CALN1: variants seen among roughly 807,000 people sequenced by gnomAD.
CALN1 encodes the protein calneuron 1.
CALN1 carries 17 observed loss-of-function variants against 30.6 expected under a neutral mutation model. The observed-to-expected ratio is 0.56, with a 90% CI of 0.38 to 0.83. The LOEUF is 0.83. Ranked by LOEUF, CALN1 falls within the 40% of genes least tolerant of loss-of-function variation. The probability of loss-of-function intolerance (pLI) is 0.00; values close to 1 mark genes in which losing one functional copy is unlikely to be tolerated. For missense variants in CALN1, 291 were observed against 354.9 expected, an observed-to-expected ratio of 0.82 and a Z score of 1.45; for synonymous variants, 156 against 131.4, an observed-to-expected ratio of 1.19 and a Z score of -1.28.
chr7:71,887,270 G>T (rs1193202386), intron 5 of CALN1, among the ~76,000 whole-genome samples: 1 of 152,120 alleles, frequency 6.6e-6, no homozygotes, highest in South Asian at 2.1e-4. Context: ...ACACACCACG[G>T]ATGGTTTTAG....
At chr7:72,039,960 C>T (rs773842795) in intron 4 of CALN1, among the ~76,000 whole-genome samples, 1 of 152,144 alleles carries the variant, frequency 6.6e-6, no homozygotes, top group African/African-American at 2.4e-5. Context: ...CAGCTCCAGC[C>T]CAGGCCTTTA....
At chr7:71,816,870 AG>A (rs1788295698) in intron 5 of CALN1, among the ~76,000 whole-genome samples, 1 of 152,154 alleles carries the variant, frequency 6.6e-6, no homozygotes, top group Non-Finnish European at 1.5e-5. Context: ...CAGGAGGCTG[AG>A]GCAGGAGAAT....
intron 6 of CALN1, among the ~76,000 whole-genome samples, chr7:71,805,880 A>G (rs1404598755): frequency 6.6e-6 from 1 of 152,210 alleles, no homozygotes; most frequent in East Asian, 1.9e-4. Context: ...AAGTGTGTAC[A>G]TATACACAAT....
chr7:72,374,337 T>C (rs969018369), intron 2 of CALN1, among the ~76,000 whole-genome samples: 7 of 152,110 alleles, frequency 4.6e-5, no homozygotes, highest in Admixed American at 2.0e-4. Context: ...AATCCCAGCC[T>C]GGCCAACAGG....
intron 1 of CALN1, among the ~76,000 whole-genome samples, chr7:72,408,470 T>C (rs930790991): frequency 1.3e-5 from 2 of 151,340 alleles, no homozygotes; most frequent in Admixed American, 6.6e-5. Context: ...ACAGAGATAA[T>C]AAAGACAAAG....
chr7:71,835,010 A>AT (rs767609518), intron 5 of CALN1, among the ~76,000 whole-genome samples: 1 of 151,924 alleles, frequency 6.6e-6, no homozygotes, highest in African/African-American at 2.4e-5. Flanking sequence ...TTTAAAAAAA[A>AT]TTTTCATAGG....
intron 5 of CALN1, among the ~76,000 whole-genome samples, chr7:71,884,349 T>C (rs1054896832): frequency 1.3e-5 from 2 of 151,930 alleles, no homozygotes; most frequent in Non-Finnish European, 2.9e-5. Flanking sequence ...TCTTGGGGGG[T>C]GTAAGCTGCC....
At chr7:72,013,802 A>T (rs1339613699) in intron 5 of CALN1, among the ~76,000 whole-genome samples, 4 of 152,016 alleles carry the variant, frequency 2.6e-5, no homozygotes, top group Non-Finnish European at 5.9e-5. Flanking sequence ...ATTTACTATA[A>T]AGTGAAAATA....
Position 71,783,994 on chromosome 7 carries a change from T to TAA in CALN1, c.*3779_*3780dup, listed in dbSNP as rs1792855648. 6.6e-6 allele frequency: 1 copy of TAA among 152,216 alleles called. No individual in the cohort carries two copies. The highest frequency in any genetic ancestry group is 1.5e-5 in the Non-Finnish European group (1 of 68,046). The allele number at this position is 152,216 out of a possible 1,614,324, so 9.4% of individuals were successfully genotyped here. A position where few individuals can be genotyped will look rare whatever the true frequency, so the allele number is the denominator to read the frequency against. ...CACTGGGTTTGCCTAAGACCACACC[T>TAA]AAACCTCAGTTCACCAAAGTTCACG... On this transcript the variant is annotated 3_prime_UTR_variant, in exon 7 of 7. Transcript: ENST00000395275.
intron 5 of CALN1, among the ~76,000 whole-genome samples, chr7:71,853,655 C>T (rs1173202197): frequency 1.3e-5 from 2 of 152,090 alleles, no homozygotes; most frequent in Non-Finnish European, 2.9e-5. Context: ...TCTCAGCTCA[C>T]TGCAACCTCT....
upstream of CALN1, among the ~76,000 whole-genome samples, chr7:72,417,204 G>T (rs1158351172): frequency 6.6e-6 from 1 of 152,202 alleles, no homozygotes; most frequent in Admixed American, 6.5e-5. Context: ...CCTCCCGAGG[G>T]AGGACATGAG....
chr7:72,466,018 G>A, the CALN1 span, among the ~76,000 whole-genome samples: 2 of 152,158 alleles, frequency 1.3e-5, no homozygotes, highest in Non-Finnish European at 2.9e-5. Flanking sequence ...ATCCAAGGGG[G>A]AGATCTGGCC....
chr7:72,404,780 A>G (rs536864047), intron 1 of CALN1, among the ~76,000 whole-genome samples: 15 of 152,332 alleles, frequency 9.8e-5, no homozygotes, highest in Admixed American at 2.0e-4. Context: ...AAGCAGGAAG[A>G]AGGCTTGAAG....
intron 3 of CALN1, among the ~76,000 whole-genome samples, chr7:72,272,190 C>CAAA (rs1024543375): frequency 1.3e-5 from 2 of 152,036 alleles, no homozygotes; most frequent in African/African-American, 2.4e-5. Flanking sequence ...ACCCCAGGTT[C>CAAA]AAAGGATGGC....
At chr7:72,336,340 C>A (rs934651184) in intron 2 of CALN1, among the ~76,000 whole-genome samples, 8 of 152,086 alleles carry the variant, frequency 5.3e-5, no homozygotes, top group Non-Finnish European at 1.2e-4. Flanking sequence ...GGCGGGGGCG[C>A]GCAGCCTGGT....
At chr7:72,205,205 CTTTT>C (rs1791740061) in intron 3 of CALN1, among the ~76,000 whole-genome samples, 1 of 150,518 alleles carries the variant, frequency 6.6e-6, no homozygotes, top group African/African-American at 2.4e-5. Context: ...TTTTGCTTTT[CTTTT>C]GTTTTGTTTT....
intron 5 of CALN1, among the ~76,000 whole-genome samples, chr7:71,851,580 A>C (rs1193593985): frequency 6.6e-6 from 1 of 151,998 alleles, no homozygotes; most frequent in Admixed American, 6.6e-5. Flanking sequence ...ACATATATAT[A>C]TTCACTAAAA....
intron 3 of CALN1, among the ~76,000 whole-genome samples, chr7:72,225,745 G>A (rs772130466): frequency 1.2e-4 from 19 of 152,052 alleles, no homozygotes; most frequent in East Asian, 3.9e-4. Context: ...AGCTCCTAGC[G>A]AGTACCCACA....
At chr7:71,988,957 G>A (rs1220668387) in intron 5 of CALN1, among the ~76,000 whole-genome samples, 1 of 152,184 alleles carries the variant, frequency 6.6e-6, no homozygotes, top group Admixed American at 6.6e-5. Context: ...ACAGCAAACA[G>A]GAGGCACAGC....
Sources: allele counts gnomAD v4.1 joint callset (sites outside exome capture counted in the v4.1 genomes callset), GRCh38; gene constraint gnomAD v4.1.1; transcripts MANE v1.5; gene names NCBI Gene and HGNC (gene_info 2026-07-23, HGNC 2026-07-21).